PBX1: variants seen among roughly 807,000 people sequenced by gnomAD.
The protein encoded by PBX1 is pre-B-cell leukemia transcription factor 1.
Under a neutral mutation model 53.4 loss-of-function variants are expected in PBX1, and 6 were observed. The ratio of observed to expected loss-of-function variants is 0.11; its 90% CI spans 0.06 to 0.22. The LOEUF (loss-of-function observed/expected upper bound fraction) is 0.22, where lower values mean the gene tolerates loss of function less well. Among genes scored for constraint, PBX1 ranks in the 10% least tolerant of loss-of-function variants. PBX1 has a pLI of 1.00. For synonymous variants in PBX1, 204 were observed against 212.3 expected (o/e 0.96, Z 0.34); for missense variants, 251 against 551.4 (o/e 0.46, Z 5.46).
At chr1:164,809,106 A>G (rs750095313) in intron 5 of PBX1, among the ~76,000 whole-genome samples, 1 of 152,218 alleles carries the variant, frequency 6.6e-6, no homozygotes, top group African/African-American at 2.4e-5. Context: ...CAAATATCAA[A>G]TCACTGAATT....
rs915059103 is a variant in PBX1, at chr1:164,801,533, A to G, written c.701+1644A>G. Among the ~76,000 whole-genome samples the G allele has an allele frequency of 2.0e-5, 3 of 151,942 alleles. No individual in the cohort carries two copies. The South Asian group carries it at 6.2e-4, about 32-fold the overall frequency. The stretch of plus-strand genomic sequence containing the variant: ...GCAGAGAGAAGGGAGGGGCAGAATT[A>G]TTGTCTCATTGGATATCTTCTCTCA... On this transcript the variant is annotated intron_variant, in intron 4 of 8. Transcript: ENST00000420696.
At chr1:164,690,969 C>T (rs549044035) in intron 2 of PBX1, among the ~76,000 whole-genome samples, 1 of 148,476 alleles carries the variant, frequency 6.7e-6, no homozygotes, top group East Asian at 2.0e-4. Flanking sequence ...TTCTGAAGGG[C>T]AACTCAAGGA....
intron 2 of PBX1, among the ~76,000 whole-genome samples, chr1:164,673,681 G>T (rs2101978416): frequency 6.6e-6 from 1 of 152,010 alleles, no homozygotes; most frequent in East Asian, 1.9e-4. Flanking sequence ...TTAACTCCTA[G>T]GAATCTGCTT....
chr1:164,789,450 A>T (rs1044776169), intron 2 of PBX1, among the ~76,000 whole-genome samples: 1 of 152,058 alleles, frequency 6.6e-6, no homozygotes, highest in Admixed American at 6.6e-5. Flanking sequence ...CGAGGATCAG[A>T]ACTGTCTCTC....
chr1:164,757,127 G>A (rs547011070), intron 2 of PBX1, among the ~76,000 whole-genome samples: 79 of 152,176 alleles, frequency 5.2e-4, no homozygotes, highest in African/African-American at 1.8e-3. Flanking sequence ...AGAGGACATA[G>A]CAATGAACAA....
chr1:164,864,271 C>T (rs1672165837), intron 2 of PBX1, among the ~76,000 whole-genome samples: 1 of 151,996 alleles, frequency 6.6e-6, no homozygotes, highest in African/African-American at 2.4e-5. Context: ...CTCTCCCAGG[C>T]CCTAGCCCTT....
At chr1:164,872,420 C>A (rs1454353071) in intron 2 of PBX1, among the ~76,000 whole-genome samples, 2 of 152,200 alleles carry the variant, frequency 1.3e-5, no homozygotes, top group Non-Finnish European at 2.9e-5. Flanking sequence ...CCATCATGCA[C>A]AAATGTTTAT....
At chr1:164,832,262 AG>A (rs1452361573) in intron 8 of PBX1, among the ~76,000 whole-genome samples, 6 of 152,206 alleles carry the variant, frequency 3.9e-5, no homozygotes, top group African/African-American at 1.4e-4. Context: ...GATATGGAAA[AG>A]AACTCTTAAG....
Position 164,562,452 on chromosome 1 carries a change from TACACACAC to T in PBX1, c.192-751_192-744del, listed in dbSNP as rs6143458. ...TTTTGTTCCTCAAGTGCATTCAGAA[TACACACAC>T]ACACACACACACACACACACACACA... is the stretch of plus-strand genomic sequence containing the variant. On this transcript the variant is annotated intron_variant, in intron 1 of 8. Coordinates refer to ENST00000420696, the MANE Select transcript of PBX1 (RefSeq NM_002585.4). 8.3e-3 allele frequency among the ~76,000 whole-genome samples: 1,193 copies of T among 143,388 alleles called. 10 individuals are homozygous for T. The highest frequency in any genetic ancestry group is 0.01 in the Admixed American group (146 of 14,204). The allele number at this position is 143,388 out of a possible 152,430, so 94.1% of individuals were successfully genotyped here. A position where few individuals can be genotyped will look rare whatever the true frequency, so the allele number is the denominator to read the frequency against.
chr1:164,617,576 C>T (rs796502535), intron 2 of PBX1, among the ~76,000 whole-genome samples: 8 of 152,246 alleles, frequency 5.3e-5, no homozygotes, highest in African/African-American at 9.6e-5. Flanking sequence ...AGGGCTTCCC[C>T]GAGGTTTAAT....
intron 2 of PBX1, among the ~76,000 whole-genome samples, chr1:164,745,120 C>G (rs1311541093): frequency 6.6e-6 from 1 of 152,130 alleles, no homozygotes; most frequent in South Asian, 2.1e-4. Flanking sequence ...ATATTAAAAT[C>G]CATATTTTTT....
At chr1:164,608,662 G>T (rs998985518) in intron 2 of PBX1, among the ~76,000 whole-genome samples, 3 of 152,172 alleles carry the variant, frequency 2.0e-5, no homozygotes, top group Admixed American at 6.6e-5. Context: ...TGGAACTGAG[G>T]TCTGACTCCC....
At chr1:164,605,742 G>A (rs536463718) in intron 2 of PBX1, among the ~76,000 whole-genome samples, 8 of 152,238 alleles carry the variant, frequency 5.3e-5, no homozygotes, top group African/African-American at 1.7e-4. Flanking sequence ...GTTGCTTGCG[G>A]GGATTATTTA....
At chr1:164,827,863 G>A (rs541535016) in intron 8 of PBX1, among the ~76,000 whole-genome samples, 2 of 152,224 alleles carry the variant, frequency 1.3e-5, no homozygotes, top group African/African-American at 4.8e-5. Context: ...TTTTTACCTT[G>A]AGGAATGAAG....
chr1:164,781,438 T>C (rs922618373), intron 2 of PBX1, among the ~76,000 whole-genome samples: 3 of 152,086 alleles, frequency 2.0e-5, no homozygotes, highest in Non-Finnish European at 4.4e-5. Context: ...CTACAAGATA[T>C]AGATCAATAT....
intron 2 of PBX1, among the ~76,000 whole-genome samples, chr1:164,725,548 G>A (rs757307840): frequency 8.5e-5 from 13 of 152,050 alleles, no homozygotes; most frequent in Middle Eastern, 3.4e-3. Flanking sequence ...TTCTGCTTCC[G>A]TACAAGTTTC....
At chr1:164,600,282 T>C (rs1430892803) in intron 2 of PBX1, among the ~76,000 whole-genome samples, 1 of 149,224 alleles carries the variant, frequency 6.7e-6, no homozygotes, top group Non-Finnish European at 1.5e-5. Context: ...TACAGAGTCT[T>C]ACTCTGTCGC....
rs180692727 is a variant in PBX1, at chr1:164,650,875, C to T, written c.265+87564C>T. On this transcript the variant is annotated intron_variant, in intron 2 of 8. Transcript: ENST00000420696. ...AGATCCTTCTCCACCACCTCTGCTT[C>T]CCTTCTCCCTTCTTTTCCTCCTTGC... is the stretch of plus-strand genomic sequence containing the variant. Among the ~76,000 whole-genome samples, 15 of 152,150 alleles carry T rather than the reference C, an allele frequency of 9.9e-5. No homozygotes were observed. In the East Asian group the frequency reaches 1.7e-3, roughly 18 times the overall value.
chr1:164,851,018 G>A lies in PBX1; in HGVS notation c.*4342G>A, dbSNP rs974303277. 4.5e-6 allele frequency: 1 copy of A among 222,946 alleles called. No homozygotes were observed. Among genetic ancestry groups the A allele is most frequent in the Non-Finnish European group, 9.0e-6 (1 of 111,600 alleles). The allele number at this position is 222,946 out of a possible 1,614,324, so 13.8% of individuals were successfully genotyped here. A position where few individuals can be genotyped will look rare whatever the true frequency, so the allele number is the denominator to read the frequency against. ...ACTACATGCAGGAAGAAGTCCTTGG[G>A]GCCAGTCTGCCAGCTGAGTCCTGGT... On this transcript the variant is annotated 3_prime_UTR_variant, in exon 9 of 9. Transcript: ENST00000420696.
Sources: allele counts gnomAD v4.1 joint callset (sites outside exome capture counted in the v4.1 genomes callset), GRCh38; gene constraint gnomAD v4.1.1; transcripts MANE v1.5; gene names NCBI Gene and HGNC (gene_info 2026-07-23, HGNC 2026-07-21).